The following PCDHGA6 variants were observed in gnomAD, a reference collection of about 807,000 sequenced individuals.
PCDHGA6 encodes the protein protocadherin gamma-A6.
PCDHGA6 carries 41 observed loss-of-function variants against 60.6 expected under a neutral mutation model. That is an observed-to-expected ratio of 0.68 (90% confidence interval 0.53 to 0.88). The LOEUF (loss-of-function observed/expected upper bound fraction) is 0.88. Ranked by LOEUF, PCDHGA6 falls within the 40% of genes least tolerant of loss-of-function variation. The pLI, the probability that PCDHGA6 is intolerant of heterozygous loss-of-function variation, is 0.00. For missense variants in PCDHGA6, 1,312 were observed against 1,203.0 expected, an observed-to-expected ratio of 1.09 and a Z score of -1.34; for synonymous variants, 594 against 524.4, an observed-to-expected ratio of 1.13 and a Z score of -1.81.
Position 141,375,778 on chromosome 5 carries a change from C to T in PCDHGA6, c.1695C>T (p.Pro565=), listed in dbSNP as rs772854971. The change falls in exon 1 of 4, where the codon CCC becomes CCT. Residue 565 remains proline (P), a synonymous_variant. Transcript: ENST00000517434. Reference sequence around the variant, plus strand: ...ACAATGCGCCCGAGATCCTGTACCCCGCCCTCCCCACAGACGGTTCCACTG... The same window carrying T: ...ACAATGCGCCCGAGATCCTGTACCCTGCCCTCCCCACAGACGGTTCCACTG... The part of the protein sequence containing the change: ...QNDNAPEILY[P]ALPTDGSTGV... 1.9e-6 allele frequency: 3 copies of T among 1,614,242 alleles called. No homozygotes were observed. The highest frequency in any genetic ancestry group is 2.2e-5 in the South Asian group (2 of 91,092).
chr5:141,487,143 C>T lies in PCDHGA6; in HGVS notation c.2425-7664C>T. Reference sequence around the variant, plus strand: ...GATAGTGGTAGTCCACCACTCTCTACCTCTGTTACTCTCTTAGTGTCCTTA... The same window carrying T: ...GATAGTGGTAGTCCACCACTCTCTATCTCTGTTACTCTCTTAGTGTCCTTA... On this transcript the variant is annotated intron_variant, in intron 1 of 3. Coordinates refer to ENST00000517434, the MANE Select transcript of PCDHGA6 (RefSeq NM_018919.3). This position sits in a 1 kb window ranked among gnomAD's most constrained non-coding sequence, Gnocchi z 5.0. 1.2e-6 allele frequency: 2 copies of T among 1,614,028 alleles called. No homozygotes were observed. Among genetic ancestry groups the T allele is most frequent in the Non-Finnish European group, 1.7e-6 (2 of 1,179,862 alleles).
At chr5:141,402,091 G>A (rs1453803021) in intron 1 of PCDHGA6, among the ~76,000 whole-genome samples, 2 of 152,204 alleles carry the variant, frequency 1.3e-5, no homozygotes, top group African/African-American at 4.8e-5. Context: ...TAGCAGAAAA[G>A]TTTAAGCAAT....
intron 1 of PCDHGA6, chr5:141,384,103 T>A (rs1305926581): frequency 6.2e-7 from 1 of 1,600,344 alleles, no homozygotes; most frequent in Non-Finnish European, 8.5e-7. Flanking sequence ...AGATAATTAT[T>A]ATAGATTGGT....
rs564486909 is a variant in PCDHGA6, at chr5:141,428,072, G to C, written c.2424+51565G>C. ...AGGTGGTGGCGGTGGACGCAGATTC[G>C]GGACACAACGCTTGGCTGTCCTACC... is the stretch of plus-strand genomic sequence containing the variant. On this transcript the variant is annotated intron_variant, in intron 1 of 3. Transcript: ENST00000517434. 5 of 1,609,080 alleles carry C rather than the reference G, an allele frequency of 3.1e-6. 1 individual carries two copies. The South Asian group carries it at 5.5e-5, about 18-fold the overall frequency.
chr5:141,410,230 C>A (rs759582867), intron 1 of PCDHGA6: 2 of 1,614,006 alleles, frequency 1.2e-6, no homozygotes, highest in South Asian at 2.2e-5. Flanking sequence ...CAGACCTCAG[C>A]GACCGCCCTG....
chr5:141,374,230 C>T lies in PCDHGA6; in HGVS notation c.147C>T (p.Val49=). The change falls in exon 1 of 4, where the codon GTC becomes GTT. Residue 49 remains valine (V), a synonymous_variant. Coordinates refer to ENST00000517434, the MANE Select transcript of PCDHGA6 (RefSeq NM_018919.3). ...AAGGCTCCTTCGTAGGCAACATCGTCAAGGATCTGGGACTGGAGCCCCAGG... is the reference window on the plus strand; with the variant it reads ...AAGGCTCCTTCGTAGGCAACATCGTTAAGGATCTGGGACTGGAGCCCCAGG... ...LEKGSFVGNI[V]KDLGLEPQEL... is the part of the protein sequence containing the mutation. 2 of 1,613,996 alleles carry T rather than the reference C, an allele frequency of 1.2e-6. 1 individual carries two copies. Among genetic ancestry groups the T allele is most frequent in the East Asian group, 4.5e-5 (2 of 44,882 alleles).
Position 141,427,553 on chromosome 5 carries a change from TG to T in PCDHGA6, c.2424+51047del, listed in dbSNP as rs201716174. ...AGTACAACGTCACCATCACTGCCAC[TG>T]ACAAGGGCAAGCCTCCGCTCTCATC... On this transcript the variant is annotated intron_variant, in intron 1 of 3. Transcript: ENST00000517434. 2.7e-3 allele frequency: 1,760 copies of T among 646,124 alleles called. 23 individuals are homozygous for T. In the African/African-American group the frequency reaches 0.028, roughly 10 times the overall value. 40.0% of individuals were successfully genotyped at this position (646,124 alleles called of 1,614,324 possible).
chr5:141,475,297 T>C lies in PCDHGA6; in HGVS notation c.2425-19510T>C, dbSNP rs187277570. Among the ~76,000 whole-genome samples the C allele has an allele frequency of 6.5e-4, 99 of 152,360 alleles. 2 individuals are homozygous for C. Among genetic ancestry groups the C allele is most frequent in the African/African-American group, 2.3e-3 (96 of 41,586 alleles). ...TGAAAGACAGGGTAGGGAAATTTCT[T>C]ATTGCTCCCTGGTTCTTAAGAAATG... On this transcript the variant is annotated intron_variant, in intron 1 of 3. Transcript: ENST00000517434.
At chr5:141,413,980 A>C in intron 1 of PCDHGA6, 12 of 1,613,530 alleles carry the variant, frequency 7.4e-6, no homozygotes, top group Non-Finnish European at 1.0e-5. Flanking sequence ...GCTGACAGTC[A>C]CAGCCACCGA....
intron 1 of PCDHGA6, chr5:141,404,954 A>C: frequency 6.2e-7 from 1 of 1,613,952 alleles, no homozygotes; most frequent in Non-Finnish European, 8.5e-7. Flanking sequence ...AGCTGACAGC[A>C]TCCCAGACAT....
At chr5:141,473,450 T>A (rs2099322542) in intron 1 of PCDHGA6, among the ~76,000 whole-genome samples, 2 of 152,150 alleles carry the variant, frequency 1.3e-5, no homozygotes, top group South Asian at 4.1e-4. Flanking sequence ...AAAATAATTA[T>A]AAAATTTAAA....
At chr5:141,404,320 C>T (rs577477279) in intron 1 of PCDHGA6, 8 of 1,613,920 alleles carry the variant, frequency 5.0e-6, no homozygotes, top group Admixed American at 1.7e-5. Flanking sequence ...CTCAAGCCTC[C>T]TACTCAGTCT....
At chr5:141,495,015 G>C in intron 2 of PCDHGA6, 150 bp downstream of exon 2, 2 of 1,507,428 alleles carry the variant, frequency 1.3e-6, no homozygotes, top group East Asian at 4.9e-5. Flanking sequence ...CGGGGGGCTG[G>C]CACACAGACC....
chr5:141,414,517 G>C, intron 1 of PCDHGA6: 1 of 1,613,964 alleles, frequency 6.2e-7, no homozygotes, highest in South Asian at 1.1e-5. Context: ...ACAAGTGGCA[G>C]ATATCAATGA....
chr5:141,407,919 C>A, intron 1 of PCDHGA6: 1 of 472,082 alleles, frequency 2.1e-6, no homozygotes, highest in Non-Finnish European at 3.7e-6. Flanking sequence ...GGCTGCTGTC[C>A]CGCACGGAGC....
rs200843744 is a variant in PCDHGA6, at chr5:141,491,417, G to C, written c.2425-3390G>C. 18 of 1,613,988 alleles carry C rather than the reference G, an allele frequency of 1.1e-5. No individual in the cohort carries two copies. Among genetic ancestry groups the C allele is most frequent in the Admixed American group, 5.0e-5 (3 of 60,006 alleles). ...CAGGGAAACGCAGACGGGGACGGGGGTGGAGGGCAGTGCTGCAGGCGCCAG... is the reference window on the plus strand; with the variant it reads ...CAGGGAAACGCAGACGGGGACGGGGCTGGAGGGCAGTGCTGCAGGCGCCAG... On this transcript the variant is annotated intron_variant, in intron 1 of 3. Transcript: ENST00000517434. This position sits in a 1 kb window ranked among gnomAD's most constrained non-coding sequence, Gnocchi z 6.9.
chr5:141,410,699 A>G (rs760193148), intron 1 of PCDHGA6: 1 of 1,478,344 alleles, frequency 6.8e-7, no homozygotes, highest in East Asian at 2.3e-5. Flanking sequence ...CTTTATTTTC[A>G]TATCTAGAAT....
At chr5:141,409,867 C>T (rs376725837) in intron 1 of PCDHGA6, 35 of 1,612,662 alleles carry the variant, frequency 2.2e-5, no homozygotes, top group African/African-American at 2.1e-4. Flanking sequence ...TGGGAGACCG[C>T]AATGACAACG....
chr5:141,457,708 T>C (rs1160977721), intron 1 of PCDHGA6, among the ~76,000 whole-genome samples: 1 of 152,260 alleles, frequency 6.6e-6, no homozygotes, highest in Admixed American at 6.5e-5. Context: ...GATGAAACAC[T>C]GTTCCACAAG....
Sources: gnomAD v4.1 joint callset for allele counts (sites outside exome capture counted in the v4.1 genomes callset) on GRCh38, gnomAD v4.1.1 for gene constraint, Gnocchi (gnomAD v3.1) non-coding constraint, MANE v1.5 for transcripts, NCBI Gene and HGNC (gene_info 2026-07-23, HGNC 2026-07-21) for gene names.